SLC2A13: variants seen among roughly 807,000 people sequenced by gnomAD.
SLC2A13 encodes the protein solute carrier family 2 member 13, also known as proton myo-inositol cotransporter.
In SLC2A13, 32 loss-of-function variants were observed where a neutral mutation model predicts 64.4. The observed-to-expected ratio is 0.50, with a 90% CI of 0.37 to 0.67. The LOEUF is 0.67. Ranked by LOEUF, SLC2A13 falls within the 30% of genes least tolerant of loss-of-function variation. The pLI, the probability that SLC2A13 is intolerant of heterozygous loss-of-function variation, is 0.00. For missense variants in SLC2A13, 743 were observed against 829.2 expected, an observed-to-expected ratio of 0.90 and a Z score of 1.28; for synonymous variants, 338 against 327.1, an observed-to-expected ratio of 1.03 and a Z score of -0.36.
rs935877368 is a variant in SLC2A13 at position 39,969,141 on chromosome 12, A to T, written c.926-17776T>A. Among the ~76,000 whole-genome samples, 153 of 152,156 alleles carry T rather than the reference A, an allele frequency of 1.0e-3. 1 individual carries two copies. The highest frequency in any genetic ancestry group is 3.4e-3 in the African/African-American group (140 of 41,508). On this transcript the variant is annotated intron_variant, in intron 3 of 9. Coordinates refer to ENST00000280871, the MANE Select transcript of SLC2A13 (RefSeq NM_052885.4). ...AAAGGACATGAACTCATCCTTTTTT[A>T]TGGCTGCATAGTATTCAATGGTGTA...
At chr12:39,807,602 T>G (rs576273386) in intron 7 of SLC2A13, among the ~76,000 whole-genome samples, 2 of 152,220 alleles carry the variant, frequency 1.3e-5, no homozygotes, top group Admixed American at 6.5e-5. Flanking sequence ...AAGGTACTGT[T>G]AAACCTGCAG....
chr12:40,104,267 A>G (rs1361215506), intron 1 of SLC2A13, among the ~76,000 whole-genome samples: 2 of 152,232 alleles, frequency 1.3e-5, no homozygotes, highest in East Asian at 3.8e-4. Flanking sequence ...ATTACTAGTG[A>G]GATTTAAGTC....
chr12:40,105,309 G>A lies in SLC2A13; in HGVS notation c.500C>T (p.Ala167Val), dbSNP rs774312850. The A allele has an allele frequency of 1.2e-5, 19 of 1,600,702 alleles. No individual in the cohort carries two copies. The East Asian group carries it at 3.4e-4, about 29-fold the overall frequency. Residue 167 changes from alanine to valine, a missense_variant, in exon 1 of 10, where the codon GCG (alanine) becomes GTG (valine). Transcript: ENST00000280871. This position sits in a 1 kb window ranked among gnomAD's most constrained non-coding sequence, Gnocchi z 4.2. Reference sequence around the variant, plus strand: ...GAGCAGTGTCTCCTTGTTGTTGGCCGCAGCCAGCACCGCGGAGCCGGCGGT... The same window carrying A: ...GAGCAGTGTCTCCTTGTTGTTGGCCACAGCCAGCACCGCGGAGCCGGCGGT... ...LFTAGSAVLAAANNKETLLAG... is the reference protein window; with the variant it reads ...LFTAGSAVLAVANNKETLLAG...
At chr12:39,993,277 T>C (rs940674906) in intron 3 of SLC2A13, among the ~76,000 whole-genome samples, 2 of 152,250 alleles carry the variant, frequency 1.3e-5, no homozygotes, top group Non-Finnish European at 2.9e-5. Flanking sequence ...TTGACTTTGA[T>C]ATTTTATCAT....
intron 4 of SLC2A13, among the ~76,000 whole-genome samples, chr12:39,880,255 C>T (rs1944305996): frequency 6.6e-6 from 1 of 152,120 alleles, no homozygotes; most frequent in African/African-American, 2.4e-5. Context: ...TGTAGCAATG[C>T]AAGAATGGCC....
At chr12:39,820,717 T>TTATATATATATATA (rs11272834) in intron 7 of SLC2A13, among the ~76,000 whole-genome samples, 7 of 132,666 alleles carry the variant, frequency 5.3e-5, no homozygotes, top group Admixed American at 7.4e-5. Context: ...ATTTTTAAAT[T>TTATATATATATATA]TATATATATA....
chr12:40,058,216 C>T (rs1948364952), intron 1 of SLC2A13, among the ~76,000 whole-genome samples: 2 of 152,028 alleles, frequency 1.3e-5, no homozygotes, highest in African/African-American at 2.4e-5. Context: ...CCAGGGTCTT[C>T]GATGATAATC....
chr12:39,785,371 G>A (rs1941148605), intron 7 of SLC2A13, among the ~76,000 whole-genome samples: 1 of 152,224 alleles, frequency 6.6e-6, no homozygotes, highest in South Asian at 2.1e-4. Context: ...CTTCCATGTG[G>A]CGTTGAGCCT....
At chr12:39,981,420 G>A (rs1946893990) in intron 3 of SLC2A13, among the ~76,000 whole-genome samples, 1 of 151,790 alleles carries the variant, frequency 6.6e-6, no homozygotes, top group African/African-American at 2.4e-5. Context: ...AAAATTGATA[G>A]ACCGCTAGCA....
chr12:40,095,485 T>G (rs1289898229), intron 1 of SLC2A13, among the ~76,000 whole-genome samples: 1 of 152,256 alleles, frequency 6.6e-6, no homozygotes, highest in Admixed American at 6.5e-5. Flanking sequence ...TTGGGCTTAA[T>G]ATTTGCAGGA....
intron 7 of SLC2A13, among the ~76,000 whole-genome samples, chr12:39,790,493 G>T (rs1468424484): frequency 6.6e-5 from 10 of 150,556 alleles, no homozygotes; most frequent in South Asian, 2.1e-4. Context: ...TCTTGTGATA[G>T]TTTGCTGAGA....
At chr12:39,922,843 A>T (rs558443518) in intron 4 of SLC2A13, among the ~76,000 whole-genome samples, 1 of 152,256 alleles carries the variant, frequency 6.6e-6, no homozygotes, top group Non-Finnish European at 1.5e-5. Context: ...GTCTTGCAAA[A>T]CACAAAGGGT....
intron 4 of SLC2A13, among the ~76,000 whole-genome samples, chr12:39,923,193 A>C (rs1400111702): frequency 3.9e-5 from 6 of 152,240 alleles, no homozygotes; most frequent in Non-Finnish European, 8.8e-5. Context: ...GATTCAAGCA[A>C]ATACTTGTAT....
chr12:39,821,358 C>T (rs1228034876), intron 7 of SLC2A13, among the ~76,000 whole-genome samples: 4 of 151,670 alleles, frequency 2.6e-5, no homozygotes, highest in Non-Finnish European at 5.9e-5. Context: ...TGCAGTGAGC[C>T]GAGATTGTGC....
intron 1 of SLC2A13, among the ~76,000 whole-genome samples, chr12:40,079,513 T>A (rs1446661920): frequency 6.6e-6 from 1 of 152,210 alleles, no homozygotes; most frequent in Non-Finnish European, 1.5e-5. Flanking sequence ...GAGAATTGCT[T>A]TATGGCCAAA....
At chr12:39,880,744 G>T (rs1944318574) in intron 4 of SLC2A13, among the ~76,000 whole-genome samples, 1 of 152,170 alleles carries the variant, frequency 6.6e-6, no homozygotes. Context: ...CCTCAGAAGT[G>T]AGTTCCCTCA....
chr12:39,922,137 C>A (rs1592285457), intron 4 of SLC2A13, among the ~76,000 whole-genome samples: 1 of 152,142 alleles, frequency 6.6e-6, no homozygotes, highest in Admixed American at 6.5e-5. Context: ...ACCCAAAAAA[C>A]CATTATTCTC....
chr12:40,100,969 CAAAA>C (rs10633826), intron 1 of SLC2A13, among the ~76,000 whole-genome samples: 1 of 84,690 alleles, frequency 1.2e-5, no homozygotes, highest in Non-Finnish European at 2.1e-5. Context: ...CCATCTCAGA[CAAAA>C]AAAAAAAAAA....
chr12:39,948,783 A>T (rs890198137), intron 4 of SLC2A13, among the ~76,000 whole-genome samples: 1 of 152,146 alleles, frequency 6.6e-6, no homozygotes, highest in African/African-American at 2.4e-5. Flanking sequence ...AAAAGAGTAA[A>T]ATTTTATATA....
Sources: allele counts gnomAD v4.1 joint callset (sites outside exome capture counted in the v4.1 genomes callset), GRCh38; gene constraint gnomAD v4.1.1; non-coding constraint Gnocchi (gnomAD v3.1); transcripts MANE v1.5; gene names NCBI Gene and HGNC (gene_info 2026-07-23, HGNC 2026-07-21).